The following EPB41L1 variants were observed in gnomAD, a reference collection of about 807,000 sequenced individuals.
EPB41L1 encodes the protein erythrocyte membrane protein band 4.1 like 1.
In EPB41L1, 29 loss-of-function variants were observed where a neutral mutation model predicts 97.8. The ratio of observed to expected loss-of-function variants is 0.30; its 90% CI spans 0.22 to 0.40. The LOEUF is 0.40. Among genes scored for constraint, EPB41L1 ranks in the 10% least tolerant of loss-of-function variants. The pLI is 1.00. For missense variants in EPB41L1, 812 were observed against 1,162.3 expected (o/e 0.70, Z 4.38); for synonymous variants, 383 against 459.2 (o/e 0.83, Z 2.12).
At chr20:36,153,385 T>G (rs1267830717), upstream of EPB41L1, among the ~76,000 whole-genome samples, 1 of 152,056 alleles carries the variant, frequency 6.6e-6, no homozygotes, top group Non-Finnish European at 1.5e-5. Flanking sequence ...GATGGAGGGC[T>G]CAGCTCACAT....
chr20:36,142,694 G>A (rs2059684687), intron 2 of EPB41L1, among the ~76,000 whole-genome samples: 1 of 152,210 alleles, frequency 6.6e-6, no homozygotes, highest in African/African-American at 2.4e-5. Flanking sequence ...TGGGTGGCCT[G>A]ATGGGGCTGG....
intron 1 of EPB41L1, among the ~76,000 whole-genome samples, chr20:36,166,665 T>C (rs2060750496): frequency 1.3e-5 from 2 of 152,154 alleles, no homozygotes; most frequent in South Asian, 2.1e-4. Flanking sequence ...GGCGAGCAGA[T>C]TGGCTGAGCC....
chr20:36,167,850 T>C (rs991169132), intron 1 of EPB41L1, among the ~76,000 whole-genome samples: 1 of 152,098 alleles, frequency 6.6e-6, no homozygotes. Flanking sequence ...AGGGAGACCA[T>C]GGAGCAGGCT....
intron 2 of EPB41L1, among the ~76,000 whole-genome samples, chr20:36,134,928 C>T (rs559835374): frequency 6.2e-5 from 9 of 145,812 alleles, no homozygotes; most frequent in East Asian, 4.0e-4. Context: ...GGCTTGATCA[C>T]GGCCCACTGC....
At chr20:36,141,528 A>C (rs1410794163) in intron 2 of EPB41L1, among the ~76,000 whole-genome samples, 1 of 152,208 alleles carries the variant, frequency 6.6e-6, no homozygotes, top group Non-Finnish European at 1.5e-5. Context: ...GTTCAAAGCC[A>C]GAGAGGCAGC....
At position 36,092,782 on chromosome 20, in the gene EPB41L1, A is replaced by G. The variant is rs1042363586; in HGVS notation, c.-65+1170A>G. ...GCCGGACACCAGGACCGCGAGCCAG[A>G]CAGCTCCCGGAAGCCGCGCCGCCGC... is the stretch of plus-strand genomic sequence containing the variant. On this transcript the variant is annotated intron_variant, in intron 1 of 19. Transcript: ENST00000202028. The surrounding 1 kb of genome is among the most constrained non-coding windows in gnomAD (Gnocchi z 7.0). The G allele has an allele frequency of 3.3e-5, 5 of 152,390 alleles. No individual in the cohort carries two copies. Among genetic ancestry groups the G allele is most frequent in the African/African-American group, 9.7e-5 (4 of 41,288 alleles). 9.4% of individuals were successfully genotyped at this position (152,390 alleles called of 1,614,324 possible). A position where few individuals can be genotyped will look rare whatever the true frequency, so the allele number is the denominator to read the frequency against.
Position 36,206,912 on chromosome 20 carries a change from C to A in EPB41L1, c.1669-2576C>A, listed in dbSNP as rs1277800900. The A allele has an allele frequency of 5.4e-6, 7 of 1,289,932 alleles. No homozygotes were observed. Among genetic ancestry groups the A allele is most frequent in the Non-Finnish European group, 7.1e-6 (7 of 988,896 alleles). The allele number at this position is 1,289,932 out of a possible 1,614,324, so 79.9% of individuals were successfully genotyped here. A position where few individuals can be genotyped will look rare whatever the true frequency, so the allele number is the denominator to read the frequency against. On this transcript the variant is annotated intron_variant, in intron 14 of 21. Transcript: ENST00000338074. This position sits in a 1 kb window ranked among gnomAD's most constrained non-coding sequence, Gnocchi z 5.5. ...AGAGGACAGGGCGTGCATCCCGACC[C>A]CCAGGCCTGCGCCCTTCCTCGGGCC...
chr20:36,141,876 C>T (rs948785629), intron 2 of EPB41L1, among the ~76,000 whole-genome samples: 2 of 151,992 alleles, frequency 1.3e-5, no homozygotes, highest in African/African-American at 2.4e-5. Context: ...GGGAGGCTGA[C>T]GTGGACAGAT....
chr20:36,095,169 G>C (rs942163932), intron 1 of EPB41L1, among the ~76,000 whole-genome samples: 1 of 152,032 alleles, frequency 6.6e-6, no homozygotes, highest in African/African-American at 2.4e-5. Flanking sequence ...ACAGGGTTTT[G>C]CCATGTTGGC....
chr20:36,188,817 TA>T (rs1288125965), intron 9 of EPB41L1, among the ~76,000 whole-genome samples: 5 of 127,584 alleles, frequency 3.9e-5, no homozygotes, highest in Admixed American at 8.7e-5. Context: ...CCGTCTCTAC[TA>T]AAAATACAAA....
intron 2 of EPB41L1, chr20:36,125,660 G>A: frequency 7.2e-7 from 1 of 1,396,430 alleles, no homozygotes; most frequent in Non-Finnish European, 9.6e-7. Flanking sequence ...GAGGCAAGTG[G>A]AGTGGCAGGT....
At chr20:36,154,423 C>CTA (rs2060186010), upstream of EPB41L1, among the ~76,000 whole-genome samples, 1 of 151,946 alleles carries the variant, frequency 6.6e-6, no homozygotes, top group Non-Finnish European at 1.5e-5. This position sits in a 1 kb window ranked among gnomAD's most constrained non-coding sequence, Gnocchi z 5.5. Context: ...AGAGGCCCCC[C>CTA]AGCTGCACAG....
intron 7 of EPB41L1, among the ~76,000 whole-genome samples, chr20:36,187,339 G>A (rs1260088580): frequency 6.6e-6 from 1 of 152,168 alleles, no homozygotes; most frequent in Non-Finnish European, 1.5e-5. Flanking sequence ...AACAATGTCC[G>A]TAACAATGGT....
chr20:36,101,056 G>A (rs754944217), intron 1 of EPB41L1, among the ~76,000 whole-genome samples: 2 of 152,124 alleles, frequency 1.3e-5, no homozygotes, highest in Non-Finnish European at 2.9e-5. Flanking sequence ...TCATTGAATC[G>A]AGTCTTCCAC....
intron 1 of EPB41L1, among the ~76,000 whole-genome samples, chr20:36,105,138 G>C (rs1477090570): frequency 6.6e-6 from 1 of 152,172 alleles, no homozygotes; most frequent in East Asian, 1.9e-4. Context: ...TTGAGAAGAG[G>C]AGGCTGTTGC....
intron 14 of EPB41L1, among the ~76,000 whole-genome samples, chr20:36,198,759 G>A (rs1335642716): frequency 7.9e-5 from 12 of 152,196 alleles, no homozygotes; most frequent in Non-Finnish European, 1.8e-4. Flanking sequence ...TTTATACTTA[G>A]GTGTTTTCTC....
intron 14 of EPB41L1, among the ~76,000 whole-genome samples, chr20:36,200,512 T>C (rs1402516373): frequency 1.1e-4 from 16 of 152,194 alleles, no homozygotes; most frequent in Non-Finnish European, 1.5e-5. Context: ...TAATCCAAAC[T>C]GCAGGGTTGA....
At chr20:36,219,076 T>A in intron 18 of EPB41L1, 114 bp downstream of exon 18, 1 of 1,147,672 alleles carries the variant, frequency 8.7e-7, no homozygotes, top group Non-Finnish European at 1.3e-6. Flanking sequence ...CCCTTCTAGG[T>A]GCAAAGCCAG....
chr20:36,167,719 A>T (rs537244486), intron 1 of EPB41L1, among the ~76,000 whole-genome samples: 10 of 150,556 alleles, frequency 6.6e-5, no homozygotes, highest in Non-Finnish European at 1.3e-4. Flanking sequence ...AATAATATTA[A>T]TAATAATAAT....
Sources: gnomAD v4.1 joint callset for allele counts (sites outside exome capture counted in the v4.1 genomes callset) on GRCh38, gnomAD v4.1.1 for gene constraint, Gnocchi (gnomAD v3.1) non-coding constraint, MANE v1.5 for transcripts, NCBI Gene and HGNC (gene_info 2026-07-23, HGNC 2026-07-21) for gene names.